The following SUDS3 variants were observed in gnomAD, a reference collection of about 807,000 sequenced individuals.
SUDS3 encodes the protein SIN3A corepressor complex component SDS3.
In SUDS3, 23 loss-of-function variants were observed where a neutral mutation model predicts 53.5. The observed-to-expected ratio is 0.43, with a 90% CI of 0.31 to 0.61. The LOEUF (loss-of-function observed/expected upper bound fraction) is 0.61, where lower values mean the gene tolerates loss of function less well. Among genes scored for constraint, SUDS3 ranks in the 20% least tolerant of loss-of-function variants. The pLI is 0.10. For missense variants in SUDS3, 291 were observed against 405.9 expected (o/e 0.72, Z 2.43); for synonymous variants, 150 against 148.5 (o/e 1.01, Z -0.08).
intron 10 of SUDS3, among the ~76,000 whole-genome samples, chr12:118,409,334 A>G (rs1243886644): frequency 2.0e-5 from 3 of 151,924 alleles, no homozygotes; most frequent in African/African-American, 4.8e-5. Context: ...TTTAGTAGAG[A>G]TGGGGTTTCA....
At chr12:118,380,501 T>TA (rs1480664713) in intron 2 of SUDS3, among the ~76,000 whole-genome samples, 1 of 152,230 alleles carries the variant, frequency 6.6e-6, no homozygotes, top group Non-Finnish European at 1.5e-5. Flanking sequence ...AAGGGATACT[T>TA]AATCTGTAGT....
chr12:118,382,405 G>C (rs974972136), intron 2 of SUDS3, among the ~76,000 whole-genome samples: 13 of 150,826 alleles, frequency 8.6e-5, no homozygotes, highest in African/African-American at 3.2e-4. Context: ...TTTGTTGCCT[G>C]GGCTGGAGTG....
chr12:118,398,658 A>G (rs2046237540), intron 6 of SUDS3, among the ~76,000 whole-genome samples: 1 of 130,250 alleles, frequency 7.7e-6, no homozygotes, highest in Non-Finnish European at 1.6e-5. Context: ...CACATGTATG[A>G]CATGCTCTAA....
In SUDS3 at chr12:118,416,168, A is replaced by G. The variant is rs779531054; in HGVS notation, c.*1735A>G. On this transcript the variant is annotated 3_prime_UTR_variant, in exon 12 of 12. Transcript: ENST00000543473. Reference sequence around the variant, plus strand: ...CTGTTACACATACGATGTGTGTGTCACATCACATATTGTGCAGCTGTTGGT... The same window carrying G: ...CTGTTACACATACGATGTGTGTGTCGCATCACATATTGTGCAGCTGTTGGT... 8 of 152,302 alleles carry G rather than the reference A, an allele frequency of 5.3e-5. No individual in the cohort carries two copies. The South Asian group carries it at 1.4e-3, about 28-fold the overall frequency. 9.4% of individuals were successfully genotyped at this position (152,302 alleles called of 1,614,324 possible).
At chr12:118,412,647 C>A (rs564269931) in intron 11 of SUDS3, among the ~76,000 whole-genome samples, 1 of 152,296 alleles carries the variant, frequency 6.6e-6, no homozygotes, top group South Asian at 2.1e-4. Context: ...CTGGGTTGTT[C>A]CACAAGCACA....
chr12:118,376,892 G>T, intron 1 of SUDS3, 59 bp downstream of exon 1: 1 of 1,441,162 alleles, frequency 6.9e-7, no homozygotes, highest in Non-Finnish European at 9.1e-7. Flanking sequence ...GGGGGAGGGG[G>T]TGGGGCTGTT....
chr12:118,411,058 C>T lies in SUDS3; in HGVS notation c.804-15C>T, dbSNP rs768046821. ...GTCCCTCCCTTTTTAAAAATGTGTG[C>T]CTTGTTTTTGTCAGGTACCACAAGA... On this transcript the variant is annotated splice_polypyrimidine_tract_variant and intron_variant, in intron 10 of 11. Transcript: ENST00000543473. The T allele has an allele frequency of 1.9e-6, 3 of 1,595,746 alleles. No homozygotes were observed. Among genetic ancestry groups the T allele is most frequent in the South Asian group, 2.3e-5 (2 of 87,726 alleles).
At chr12:118,410,992 G>C (rs1305871665) in intron 10 of SUDS3, 81 bp from the exon 11 acceptor site, 1 of 1,059,504 alleles carries the variant, frequency 9.4e-7, no homozygotes, top group African/African-American at 1.6e-5. Flanking sequence ...TTTTTGTTGT[G>C]ATGGTGTTTT....
At chr12:118,384,620 C>T (rs1420524921) in intron 3 of SUDS3, among the ~76,000 whole-genome samples, 1 of 152,130 alleles carries the variant, frequency 6.6e-6, no homozygotes, top group Non-Finnish European at 1.5e-5. Flanking sequence ...ATCACGAGGT[C>T]AGGAGATCGA....
chr12:118,413,815 C>T lies in SUDS3; in HGVS notation c.889-520C>T, dbSNP rs146198269. Among the ~76,000 whole-genome samples, 164 of 152,302 alleles carry T rather than the reference C, an allele frequency of 1.1e-3. 2 individuals carry two copies. In the South Asian group the frequency reaches 0.017, roughly 15 times the overall value. ...AACCTTCTCATGATCCTAATTGGGCCTTAGCTCATTAGTGGGCATTTTTCT... is the reference window on the plus strand; with the variant it reads ...AACCTTCTCATGATCCTAATTGGGCTTTAGCTCATTAGTGGGCATTTTTCT... On this transcript the variant is annotated intron_variant, in intron 11 of 11. Transcript: ENST00000543473.
intron 4 of SUDS3, among the ~76,000 whole-genome samples, chr12:118,389,123 T>A (rs2046141696): frequency 1.3e-5 from 2 of 152,108 alleles, no homozygotes; most frequent in Admixed American, 1.3e-4. Context: ...CACTCCAGTC[T>A]GGGTGACAGA....
chr12:118,405,409 T>C (rs554901064), intron 10 of SUDS3, among the ~76,000 whole-genome samples: 1 of 152,338 alleles, frequency 6.6e-6, no homozygotes, highest in African/African-American at 2.4e-5. Context: ...CTTGTTTTTT[T>C]AAAGAAGAGA....
chr12:118,411,790 C>G (rs889924790), intron 11 of SUDS3, among the ~76,000 whole-genome samples: 17 of 152,170 alleles, frequency 1.1e-4, no homozygotes, highest in Admixed American at 7.2e-4. Context: ...CGTGAGCCAC[C>G]ACACCTGGCC....
At chr12:118,406,850 ATACT>A (rs2046312771) in intron 10 of SUDS3, among the ~76,000 whole-genome samples, 1 of 137,620 alleles carries the variant, frequency 7.3e-6, no homozygotes, top group South Asian at 2.5e-4. Flanking sequence ...AGGTTGTCAC[ATACT>A]TCTTGGTTTC....
At chr12:118,389,816 T>A in intron 4 of SUDS3, 111 bp from the exon 5 acceptor site, 1 of 1,317,182 alleles carries the variant, frequency 7.6e-7, no homozygotes, top group African/African-American at 1.4e-5. Context: ...AAACATTTGC[T>A]TTGTAACATG....
At chr12:118,381,941 A>C (rs1357960246) in intron 2 of SUDS3, among the ~76,000 whole-genome samples, 2 of 152,106 alleles carry the variant, frequency 1.3e-5, no homozygotes, top group Non-Finnish European at 2.9e-5. Context: ...CCTTTTTGCA[A>C]ATGTTTTGTG....
chr12:118,380,410 G>A (rs1203783185), intron 2 of SUDS3, among the ~76,000 whole-genome samples, 179 bp downstream of exon 2: 1 of 152,178 alleles, frequency 6.6e-6, no homozygotes, highest in South Asian at 2.1e-4. Context: ...TTGGATGTGG[G>A]ATGCTCAGCT....
chr12:118,404,032 A>G (rs2046288264), intron 10 of SUDS3: 1 of 152,798 alleles, frequency 6.5e-6, no homozygotes, highest in South Asian at 2.1e-4. Context: ...GATGACACAT[A>G]CCCTTTTTTC....
intron 6 of SUDS3, among the ~76,000 whole-genome samples, chr12:118,399,416 C>T (rs1025717800): frequency 5.9e-5 from 9 of 152,148 alleles, no homozygotes; most frequent in Non-Finnish European, 1.0e-4. Flanking sequence ...GCATGAGACT[C>T]GTTTGAACCG....
Sources: gnomAD v4.1 joint callset for allele counts (sites outside exome capture counted in the v4.1 genomes callset) on GRCh38, gnomAD v4.1.1 for gene constraint, MANE v1.5 for transcripts, NCBI Gene and HGNC (gene_info 2026-07-23, HGNC 2026-07-21) for gene names.